The following PDS5B variants were observed in gnomAD, a reference collection of about 807,000 sequenced individuals.
The protein encoded by PDS5B is PDS5 cohesin associated factor B.
PDS5B carries 51 observed loss-of-function variants against 184.1 expected under a neutral mutation model. The observed-to-expected ratio is 0.28, with a 90% confidence interval of 0.22 to 0.35. The LOEUF is 0.35. PDS5B is among the 10% of genes least tolerant of loss of function. The pLI is 1.00. For missense variants in PDS5B, 1,180 were observed against 1,723.3 expected (o/e 0.68, Z 5.58); for synonymous variants, 566 against 569.2 (o/e 0.99, Z 0.08).
In PDS5B at chr13:32,688,534, T is replaced by C. The variant is rs958384040; in HGVS notation, c.1434T>C (p.Tyr478=). 1.9e-5 allele frequency: 30 copies of C among 1,601,724 alleles called. No individual in the cohort carries two copies. Among genetic ancestry groups the C allele is most frequent in the Non-Finnish European group, 2.4e-5 (28 of 1,169,040 alleles). ...LETTERMKCL[Y]YLYATLDLNA... ...CTACAGAACGGATGAAATGCTTATA[T>C]TACTTGTATGCCACACTGGATTTAA... is the stretch of plus-strand genomic sequence containing the variant. The change falls in exon 13 of 35, where the codon TAT becomes TAC. Residue 478 remains tyrosine, a synonymous_variant. Coordinates refer to ENST00000315596, the MANE Select transcript of PDS5B (RefSeq NM_015032.4).
chr13:32,764,636 T>C (rs1156781990), intron 31 of PDS5B, 42 bp downstream of exon 31: 22 of 1,096,718 alleles, frequency 2.0e-5, no homozygotes, highest in Non-Finnish European at 2.9e-5. Context: ...TTAATGATAA[T>C]TTTACTTAGT....
intron 33 of PDS5B, among the ~76,000 whole-genome samples, chr13:32,772,262 A>G (rs1243174280): frequency 6.6e-6 from 1 of 152,208 alleles, no homozygotes; most frequent in Non-Finnish European, 1.5e-5. Context: ...AGATTTATCA[A>G]GAGGGATCCA....
At chr13:32,734,011 C>CACACACACACACACACACACACACACAA (rs1341139943) in intron 20 of PDS5B, among the ~76,000 whole-genome samples, 71 of 151,474 alleles carry the variant, frequency 4.7e-4, no homozygotes, top group African/African-American at 1.7e-3. Context: ...CACACACACA[C>CACACACACACACACACACACACACACAA]ACAAACATAT....
chr13:32,615,876 G>T (rs542418873), intron 1 of PDS5B, among the ~76,000 whole-genome samples: 14 of 152,214 alleles, frequency 9.2e-5, no homozygotes, highest in African/African-American at 3.4e-4. Flanking sequence ...TGTGATTAGT[G>T]CAATAATTCA....
At chr13:32,761,080 C>T (rs1954378641) in intron 30 of PDS5B, among the ~76,000 whole-genome samples, 1 of 152,086 alleles carries the variant, frequency 6.6e-6, no homozygotes, top group Admixed American at 6.6e-5. Context: ...AGAGTTTCCA[C>T]AATACATTAT....
intron 12 of PDS5B, among the ~76,000 whole-genome samples, chr13:32,688,188 G>GA (rs112953287): frequency 0.39 from 58,382 of 150,158 alleles, 11,709 homozygotes; most frequent in Non-Finnish European, 0.45. Flanking sequence ...TACAGATAAA[G>GA]AAAAAATCCC....
At chr13:32,726,334 T>G (rs1173458953) in intron 19 of PDS5B, among the ~76,000 whole-genome samples, 2 of 152,212 alleles carry the variant, frequency 1.3e-5, no homozygotes, top group Non-Finnish European at 2.9e-5. Context: ...TGTATCATAA[T>G]TTATTTAACC....
chr13:32,588,149 C>T (rs1018728861), intron 1 of PDS5B, among the ~76,000 whole-genome samples: 1 of 152,124 alleles, frequency 6.6e-6, no homozygotes, highest in African/African-American at 2.4e-5. Flanking sequence ...GAGATGTTCG[C>T]ATCTTTAGGG....
intron 1 of PDS5B, among the ~76,000 whole-genome samples, chr13:32,612,042 C>A (rs1251047307): frequency 1.3e-5 from 2 of 151,616 alleles, no homozygotes; most frequent in Non-Finnish European, 2.9e-5. Flanking sequence ...GACTTTCAGA[C>A]TGTGCATCTT....
chr13:32,640,157 G>T (rs1156625515), intron 1 of PDS5B, among the ~76,000 whole-genome samples: 2 of 151,856 alleles, frequency 1.3e-5, no homozygotes, highest in African/African-American at 2.4e-5. Flanking sequence ...GATTTTTCTT[G>T]TACTCAGTGT....
intron 1 of PDS5B, among the ~76,000 whole-genome samples, chr13:32,619,159 C>CG (rs2058259793): frequency 1.1e-5 from 1 of 94,868 alleles, no homozygotes; most frequent in South Asian, 3.1e-4. Flanking sequence ...GTGGTAAGGT[C>CG]TTTGAGGTAC....
chr13:32,642,455 G>A (rs1460308370), intron 1 of PDS5B, among the ~76,000 whole-genome samples: 1 of 152,146 alleles, frequency 6.6e-6, no homozygotes, highest in Non-Finnish European at 1.5e-5. Flanking sequence ...CTGTAGGGGA[G>A]GAGCCTAGCT....
At chr13:32,712,155 T>C (rs1391869973) in intron 19 of PDS5B, among the ~76,000 whole-genome samples, 1 of 152,230 alleles carries the variant, frequency 6.6e-6, no homozygotes, top group African/African-American at 2.4e-5. Flanking sequence ...CTAGTAACTT[T>C]TATATTTTAA....
At chr13:32,599,862 C>A (rs937553197) in intron 1 of PDS5B, among the ~76,000 whole-genome samples, 1 of 152,004 alleles carries the variant, frequency 6.6e-6, no homozygotes, top group Non-Finnish European at 1.5e-5. Context: ...TTGCAGTGAG[C>A]CGAGATCGTG....
chr13:32,636,058 C>T (rs1443086390), intron 1 of PDS5B, among the ~76,000 whole-genome samples: 2 of 151,954 alleles, frequency 1.3e-5, no homozygotes, highest in Admixed American at 6.6e-5. Context: ...CGTGAGCCAC[C>T]GCTCCCGGCC....
In PDS5B at chr13:32,701,456, A is replaced by G. The variant is rs938802453; in HGVS notation, c.1856+18A>G. The G allele has an allele frequency of 7.0e-7, 1 of 1,438,514 alleles. No individual in the cohort carries two copies. The highest frequency in any genetic ancestry group is 9.7e-7 in the Non-Finnish European group (1 of 1,029,140). 89.1% of individuals were successfully genotyped at this position (1,438,514 alleles called of 1,614,324 possible). Reference sequence around the variant, plus strand: ...TCTATCAGGTATTTGTATATAAAATACTAAGTTCTCATTGCTGTTCATTAA... The same window carrying G: ...TCTATCAGGTATTTGTATATAAAATGCTAAGTTCTCATTGCTGTTCATTAA... On this transcript the variant is annotated intron_variant, in intron 17 of 34. Transcript: ENST00000315596.
At chr13:32,676,099 G>C in intron 9 of PDS5B, 140 bp downstream of exon 9, 1 of 560,738 alleles carries the variant, frequency 1.8e-6, no homozygotes, top group South Asian at 2.7e-5. Context: ...TTTGAAAGTT[G>C]TTAATGACTG....
At chr13:32,751,535 T>G (rs1055430318) in intron 24 of PDS5B, among the ~76,000 whole-genome samples, 2 of 152,232 alleles carry the variant, frequency 1.3e-5, no homozygotes, top group Admixed American at 6.5e-5. Context: ...TTTTTTGGCT[T>G]TCTAATAATG....
chr13:32,605,783 T>G (rs1273196535), intron 1 of PDS5B, among the ~76,000 whole-genome samples: 1 of 133,952 alleles, frequency 7.5e-6, no homozygotes, highest in Non-Finnish European at 1.7e-5. Flanking sequence ...TTTAGAATAG[T>G]TAGCTCTTCT....
Sources: allele counts gnomAD v4.1 joint callset (sites outside exome capture counted in the v4.1 genomes callset), GRCh38; gene constraint gnomAD v4.1.1; transcripts MANE v1.5; gene names NCBI Gene and HGNC (gene_info 2026-07-23, HGNC 2026-07-21).